Variants in SBK1 observed in about 807,000 individuals in gnomAD.
SBK1 encodes the protein serine/threonine-protein kinase SBK1.
A neutral mutation model predicts 24.4 loss-of-function variants in SBK1; 11 were observed. That is an observed-to-expected ratio of 0.45 (90% CI 0.28 to 0.75). SBK1 has a LOEUF of 0.75. Ranked by LOEUF, SBK1 falls within the 30% of genes least tolerant of loss-of-function variation. The pLI is 0.12. For synonymous variants in SBK1, 308 were observed against 284.4 expected, an observed-to-expected ratio of 1.08 and a Z score of -0.83; for missense variants, 467 against 620.5, an observed-to-expected ratio of 0.75 and a Z score of 2.63.
At chr16:28,273,026 T>C (rs1274258440) in intron 1 of SBK1, among the ~76,000 whole-genome samples, 1 of 152,106 alleles carries the variant, frequency 6.6e-6, no homozygotes, top group Non-Finnish European at 1.5e-5. Flanking sequence ...CATTTGGCTA[T>C]TGTGAATATT....
At chr16:28,310,005 C>G (rs2044743659) in intron 1 of SBK1, among the ~76,000 whole-genome samples, 1 of 152,220 alleles carries the variant, frequency 6.6e-6, no homozygotes, top group African/African-American at 2.4e-5. Flanking sequence ...TGCCGACCGC[C>G]AGCAGGAAGT....
rs1202120516 is a variant in SBK1, at chr16:28,319,829, C to G, written c.430-247C>G. ...CCCTCATCAACCTCCTGGAGAGCCGCGTGTCCCTCCTGGAGCCCCGATGTC... is the reference window on the plus strand; with the variant it reads ...CCCTCATCAACCTCCTGGAGAGCCGGGTGTCCCTCCTGGAGCCCCGATGTC... On this transcript the variant is annotated intron_variant, in intron 3 of 3. Transcript: ENST00000341901. This position sits in a 1 kb window ranked among gnomAD's most constrained non-coding sequence, Gnocchi z 4.0. Among the ~76,000 whole-genome samples, 1 of 152,108 alleles carries G rather than the reference C, an allele frequency of 6.6e-6. No homozygotes were observed.
At chr16:28,270,148 G>A (rs546431167) in intron 1 of SBK1, among the ~76,000 whole-genome samples, 10 of 151,486 alleles carry the variant, frequency 6.6e-5, no homozygotes, top group Non-Finnish European at 1.2e-4. Flanking sequence ...CTCAACCTCC[G>A]CCTCCCAGGT....
intron 1 of SBK1, among the ~76,000 whole-genome samples, chr16:28,276,428 C>T (rs973216507): frequency 4.6e-5 from 7 of 152,172 alleles, no homozygotes; most frequent in African/African-American, 1.7e-4. Context: ...CTGAATGAGA[C>T]GGGGCACTGG....
chr16:28,315,035 C>T (rs1425306815), intron 1 of SBK1, among the ~76,000 whole-genome samples: 1 of 152,026 alleles, frequency 6.6e-6, no homozygotes, highest in East Asian at 1.9e-4. Flanking sequence ...GGAGGCTGCA[C>T]CCGGAAGCAG....
intron 1 of SBK1, among the ~76,000 whole-genome samples, chr16:28,270,359 C>T (rs569373332): frequency 1.3e-4 from 20 of 151,772 alleles, no homozygotes; most frequent in African/African-American, 4.1e-4. Context: ...CACGATCTGC[C>T]GGAACTATGT....
rs889013319 is a variant in SBK1 at position 28,318,995 on chromosome 16, G to A, written c.227G>A (p.Gly76Asp). The A allele has an allele frequency of 1.2e-6, 2 of 1,613,738 alleles. No homozygotes were observed. The highest frequency in any genetic ancestry group is 1.7e-6 in the Non-Finnish European group (2 of 1,179,672). ...KVDLVVYKGT[G>D]TKMALKFVNK... ...ACCCTGTTGCTGTTGCTCCCATCAG[G>A]CACAAAAATGGCACTGAAGTTTGTG... The change falls in exon 3 of 4, where the codon GGC becomes GAC. Residue 76 changes from glycine (G) to aspartate (D), a missense_variant and splice_region_variant. Around this residue, in one of 4 missense-constraint regions of SBK1, gnomAD observed 123 missense variants for 158.2 expected, o/e 0.78. Coordinates refer to ENST00000341901, the MANE Select transcript of SBK1 (RefSeq NM_001024401.3).
chr16:28,284,698 G>A (rs1296307774), intron 1 of SBK1, among the ~76,000 whole-genome samples: 1 of 152,236 alleles, frequency 6.6e-6, no homozygotes, highest in East Asian at 1.9e-4. Flanking sequence ...CCAGGACTTT[G>A]GGAGGCCATG....
At chr16:28,278,827 G>T (rs2044511041) in intron 1 of SBK1, among the ~76,000 whole-genome samples, 1 of 152,246 alleles carries the variant, frequency 6.6e-6, no homozygotes. Flanking sequence ...AGGGGCCTGG[G>T]TGAGGGCAGG....
chr16:28,312,830 T>C (rs2044762903), intron 1 of SBK1, among the ~76,000 whole-genome samples: 1 of 151,888 alleles, frequency 6.6e-6, no homozygotes, highest in Non-Finnish European at 1.5e-5. Context: ...TGAGACCCCA[T>C]CTCTACAAAA....
chr16:28,263,739 T>C (rs2044411162), intron 1 of SBK1, among the ~76,000 whole-genome samples: 1 of 152,138 alleles, frequency 6.6e-6, no homozygotes, highest in Non-Finnish European at 1.5e-5. Flanking sequence ...GGAGAATCAG[T>C]GGTGATGGGC....
chr16:28,308,842 T>C (rs1295322472), intron 1 of SBK1, among the ~76,000 whole-genome samples: 1 of 150,784 alleles, frequency 6.6e-6, no homozygotes, highest in African/African-American at 2.4e-5. Flanking sequence ...TGGAATACAG[T>C]GGTGTGATCA....
intron 1 of SBK1, among the ~76,000 whole-genome samples, chr16:28,280,345 TATAA>T (rs1239842775): frequency 6.9e-6 from 1 of 144,290 alleles, no homozygotes; most frequent in Non-Finnish European, 1.5e-5. Flanking sequence ...TATATATATA[TATAA>T]AATATATATA....
chr16:28,280,297 G>A (rs1202616159), intron 1 of SBK1, among the ~76,000 whole-genome samples: 1 of 138,668 alleles, frequency 7.2e-6, no homozygotes, highest in Non-Finnish European at 1.5e-5. Context: ...ACATATATAT[G>A]CACATATATG....
chr16:28,293,131 C>T lies in SBK1; in HGVS notation c.-177C>T. 2 of 985,686 alleles carry T rather than the reference C, an allele frequency of 2.0e-6. No individual in the cohort carries two copies. The highest frequency in any genetic ancestry group is 2.4e-6 in the Non-Finnish European group (2 of 830,100). The allele number at this position is 985,686 out of a possible 1,614,324, so 61.1% of individuals were successfully genotyped here. ...AAGAGACACTCTCACCAGCAAGAAG[C>T]CTCGGGGATCCCCCCCCTAAAGCTC... On this transcript the variant is annotated 5_prime_UTR_variant, in exon 1 of 4. Coordinates refer to ENST00000341901, the MANE Select transcript of SBK1 (RefSeq NM_001024401.3).
chr16:28,300,994 A>G (rs1022186783), intron 1 of SBK1, among the ~76,000 whole-genome samples: 2 of 151,626 alleles, frequency 1.3e-5, no homozygotes, highest in Admixed American at 6.6e-5. Context: ...AGAAGGGCCC[A>G]TCTCTTCTGG....
At chr16:28,316,900 C>T (rs576340365) in intron 1 of SBK1, among the ~76,000 whole-genome samples, 54 of 152,138 alleles carry the variant, frequency 3.5e-4, no homozygotes, top group Non-Finnish European at 2.9e-5. Context: ...TAACAACAAG[C>T]CGGGTGCAGT....
chr16:28,321,045 G>T lies in SBK1; in HGVS notation c.*124G>T. On this transcript the variant is annotated 3_prime_UTR_variant, in exon 4 of 4. Transcript: ENST00000341901. ...GGGGGCGCAGCGGTAGACTAGGCAG[G>T]ACGCGGCCCGGCACCTGGTCCGTCC... 1.1e-6 allele frequency: 1 copy of T among 921,266 alleles called. No homozygotes were observed. The highest frequency in any genetic ancestry group is 1.4e-6 in the Non-Finnish European group (1 of 692,708). The allele number at this position is 921,266 out of a possible 1,614,324, so 57.1% of individuals were successfully genotyped here. A position where few individuals can be genotyped will look rare whatever the true frequency, so the allele number is the denominator to read the frequency against.
At chr16:28,276,646 T>TTTTA (rs201192938) in intron 1 of SBK1, among the ~76,000 whole-genome samples, 11 of 150,486 alleles carry the variant, frequency 7.3e-5, no homozygotes, top group African/African-American at 9.7e-5. Context: ...GAAGTTTTTA[T>TTTTA]TTTATTTATT....
Sources: allele counts gnomAD v4.1 joint callset (sites outside exome capture counted in the v4.1 genomes callset), GRCh38; gene constraint gnomAD v4.1.1; regional missense constraint gnomAD v4.1.1; non-coding constraint Gnocchi (gnomAD v3.1); transcripts MANE v1.5; gene names NCBI Gene and HGNC (gene_info 2026-07-23, HGNC 2026-07-21).